The following RHBDF2 variants were observed in gnomAD, a reference collection of about 807,000 sequenced individuals.
The protein encoded by RHBDF2 is rhomboid 5 homolog 2, also known as inactive rhomboid protein 2.
A neutral mutation model predicts 95.2 loss-of-function variants in RHBDF2; 38 were observed. That is an observed-to-expected ratio of 0.40 (90% CI 0.31 to 0.52). RHBDF2 has a LOEUF of 0.52. Among genes scored for constraint, RHBDF2 ranks in the 20% least tolerant of loss-of-function variants. RHBDF2 has a pLI of 0.56. For missense variants in RHBDF2, 863 were observed against 1,137.7 expected, an observed-to-expected ratio of 0.76 and a Z score of 3.47; for synonymous variants, 442 against 462.0, an observed-to-expected ratio of 0.96 and a Z score of 0.55.
chr17:76,501,133 C>G (rs1010051925), intron 1 of RHBDF2: 2 of 152,252 alleles, frequency 1.3e-5, no homozygotes, highest in African/African-American at 4.8e-5. Flanking sequence ...GGCCAGCAGA[C>G]CGGGTCCAGC....
Position 76,479,209 on chromosome 17 carries a change from C to T in RHBDF2, c.341G>A (p.Ser114Asn), listed in dbSNP as rs1471165635. The T allele has an allele frequency of 1.2e-6, 2 of 1,609,486 alleles. No individual in the cohort carries two copies. The highest frequency in any genetic ancestry group is 1.7e-6 in the Non-Finnish European group (2 of 1,179,270). ...EGQRQQWQRR[S>N]LHHCSMRYGR... ...GTAGCGCATGCTGCAGTGGTGCAGG[C>T]TGCGGCGCTGCCACTGCTGCCGCTG... Residue 114 changes from serine to asparagine, a missense_variant, in exon 5 of 19, where the codon AGC becomes AAC. By Grantham distance (46) the Ser-to-Asn change is conservative. Around this residue, in one of 2 missense-constraint regions of RHBDF2, gnomAD observed 611 missense variants for 725.5 expected, o/e 0.84. Coordinates refer to ENST00000675367, the MANE Select transcript of RHBDF2 (RefSeq NM_001005498.4).
rs12601320 is a variant in RHBDF2 at position 76,484,296 on chromosome 17, C to T, written c.-21-2751G>A. Among the ~76,000 whole-genome samples, 192 of 152,072 alleles carry T rather than the reference C, an allele frequency of 1.3e-3. 4 individuals are homozygous for T. The East Asian group carries it at 0.032, about 25-fold the overall frequency. ...AAAATAAAAATAAAAATAAACCCCC[C>T]CAGCTGTTTCCTCTCCTTCACATCC... On this transcript the variant is annotated intron_variant, in intron 2 of 18. Coordinates refer to ENST00000675367, the MANE Select transcript of RHBDF2 (RefSeq NM_001005498.4).
chr17:76,494,907 G>C (rs549656196), intron 1 of RHBDF2, among the ~76,000 whole-genome samples: 2 of 152,202 alleles, frequency 1.3e-5, no homozygotes. Context: ...TGAAGGGAAG[G>C]GGGCACGCAC....
chr17:76,498,801 TGTGTGTGTG>T (rs1261062172), intron 1 of RHBDF2, among the ~76,000 whole-genome samples: 1 of 148,592 alleles, frequency 6.7e-6, no homozygotes, highest in African/African-American at 2.6e-5. Context: ...TGTGTGTGTG[TGTGTGTGTG>T]TGTGTGTGTG....
At position 76,474,776 on chromosome 17, in the gene RHBDF2, C is replaced by T. The variant is rs2073711563; in HGVS notation, c.1256G>A (p.Ser419Asn). 6.2e-7 allele frequency: 1 copy of T among 1,614,068 alleles called. No homozygotes were observed. Among genetic ancestry groups the T allele is most frequent in the African/African-American group, 1.3e-5 (1 of 74,926 alleles). ...GTTCTCCTGCTGGATGTACTTCACG[C>T]TCTCGTACACACCTTTGTTCCGCAG... is the stretch of plus-strand genomic sequence containing the variant. ...LVLRNKGVYESVKYIQQENFW... is the reference protein window; with the variant it reads ...LVLRNKGVYENVKYIQQENFW... The change falls in exon 11 of 19, where the codon AGC (serine) becomes AAC (asparagine). Residue 419 changes from serine (S) to asparagine (N), a missense_variant. Around this residue, in one of 2 missense-constraint regions of RHBDF2, gnomAD observed 611 missense variants for 725.5 expected, o/e 0.84. Coordinates refer to ENST00000675367, the MANE Select transcript of RHBDF2 (RefSeq NM_001005498.4).
intron 10 of RHBDF2, 90 bp downstream of exon 10, chr17:76,474,940 A>T: frequency 6.8e-7 from 1 of 1,472,892 alleles, no homozygotes; most frequent in Non-Finnish European, 9.3e-7. Context: ...CTGGGGCCAG[A>T]TTGTTGCGGT....
At chr17:76,477,436 C>G in intron 7 of RHBDF2, 138 bp from the exon 8 acceptor site, 1 of 1,220,376 alleles carries the variant, frequency 8.2e-7, no homozygotes, top group Non-Finnish European at 1.1e-6. Flanking sequence ...CCCGTCAGCC[C>G]CAATGGTGAC....
intron 1 of RHBDF2, among the ~76,000 whole-genome samples, chr17:76,496,178 A>G (rs1050592339): frequency 1.1e-4 from 17 of 152,316 alleles, no homozygotes; most frequent in Admixed American, 1.1e-3. Context: ...AGATGACAGC[A>G]GATATGAATG....
chr17:76,473,032 AG>A lies in RHBDF2; in HGVS notation c.1882del (p.Leu628SerfsTer22). On this transcript the variant is annotated frameshift_variant, in exon 17 of 19. Coordinates refer to ENST00000675367, the MANE Select transcript of RHBDF2 (RefSeq NM_001005498.4). LOFTEE classifies it high-confidence loss of function. ...AGCATGTAGGAAGAGAGACAGCCAGAGCCTGTAGAACTGATCTGGGACCTCA... is the reference window on the plus strand; with the variant it reads ...AGCATGTAGGAAGAGAGACAGCCAGACCTGTAGAACTGATCTGGGACCTCA... ...NPEVPDQFYR[L>X]WLSLFLHAGV... The A allele has an allele frequency of 6.2e-7, 1 of 1,614,034 alleles. No individual in the cohort carries two copies. The highest frequency in any genetic ancestry group is 8.5e-7 in the Non-Finnish European group (1 of 1,179,894).
intron 1 of RHBDF2, among the ~76,000 whole-genome samples, chr17:76,492,179 T>G (rs958193147): frequency 6.6e-6 from 1 of 152,098 alleles, no homozygotes; most frequent in Non-Finnish European, 1.5e-5. Flanking sequence ...ACAGACTCTA[T>G]TTCCTCCTCC....
chr17:76,488,502 A>AAAAC (rs71161299), intron 1 of RHBDF2, among the ~76,000 whole-genome samples: 75,339 of 151,306 alleles, frequency 0.5, 20,671 homozygotes, highest in Middle Eastern at 0.65. Context: ...TCTGCCTCAA[A>AAAAC]AAACAAACAA....
Position 76,479,132 on chromosome 17 carries a change from C to A in RHBDF2, c.418G>T (p.Ala140Ser), listed in dbSNP as rs1176879045. Residue 140 changes from alanine (A) to serine (S), a missense_variant, in exon 5 of 19, where the codon GCA becomes TCA. Ala to Ser is a moderately conservative substitution (Grantham distance 99). Transcript: ENST00000675367. ...GACTCAGTGCCCTGGAAGGACGGTG[C>A]CTCCTGGCTGGGGAGCTCCAGGTCA... Reference protein sequence around the residue: ...QRDLELPSQEAPSFQGTESPK... With the variant: ...QRDLELPSQESPSFQGTESPK... 23 of 1,613,500 alleles carry A rather than the reference C, an allele frequency of 1.4e-5. No homozygotes were observed. Among genetic ancestry groups the A allele is most frequent in the African/African-American group, 2.7e-5 (2 of 74,942 alleles).
Position 76,473,646 on chromosome 17 carries a change from ACCTGCCCTTGGTGCCG to A in RHBDF2, c.1719_1733+1del. 6.2e-7 allele frequency: 1 copy of A among 1,603,506 alleles called. No homozygotes were observed. The highest frequency in any genetic ancestry group is 8.5e-7 in the Non-Finnish European group (1 of 1,175,738). ...GCTGAGGCCAGGGCCCAGGTCGCTC[ACCTGCCCTTGGTGCCG>A]ATGCAGCAGGGGCGGCCCTTGATCT... On this transcript the variant is annotated splice_donor_variant and coding_sequence_variant, in exon 15 of 19. Coordinates refer to ENST00000675367, the MANE Select transcript of RHBDF2 (RefSeq NM_001005498.4). LOFTEE classifies it high-confidence loss of function.
At position 76,482,197 on chromosome 17, in the gene RHBDF2, G is replaced by C. The variant is rs141148007; in HGVS notation, c.-21-652C>G. On this transcript the variant is annotated intron_variant, in intron 2 of 18. Transcript: ENST00000675367. ...TGAGGCAAGAACCAAACCCTGAAAAGAGCATGAAGATGCAGGCCAGGGACG... is the reference window on the plus strand; with the variant it reads ...TGAGGCAAGAACCAAACCCTGAAAACAGCATGAAGATGCAGGCCAGGGACG... Among the ~76,000 whole-genome samples, 282 of 151,910 alleles carry C rather than the reference G, an allele frequency of 1.9e-3. 2 individuals are homozygous for C. The highest frequency in any genetic ancestry group is 6.7e-3 in the African/African-American group (276 of 41,436).
rs376573611 is a variant in RHBDF2 at position 76,471,816 on chromosome 17, G to A, written c.2301C>T (p.Ser767=). The A allele has an allele frequency of 1.6e-5, 25 of 1,600,848 alleles. No homozygotes were observed. The highest frequency in any genetic ancestry group is 2.7e-5 in the African/African-American group (2 of 74,890). ...AFLPYITFGT[S]DKYRKRALIL... is the part of the protein sequence containing the mutation. The stretch of plus-strand genomic sequence containing the variant: ...TGAGTGCCCGCTTGCGGTACTTGTC[G>A]CTGGTGCCGAAGGTGATGTAGGGCA... The change falls in exon 19 of 19, where the codon AGC becomes AGT. Residue 767 remains serine (S), a synonymous_variant. Transcript: ENST00000675367.
intron 2 of RHBDF2, 95 bp from the exon 3 acceptor site, chr17:76,481,640 A>C: frequency 3.3e-6 from 4 of 1,201,004 alleles, no homozygotes; most frequent in Non-Finnish European, 4.6e-6. Context: ...CCAAGAACCA[A>C]CTTGCCTAAA....
Position 76,476,873 on chromosome 17 carries a change from T to C in RHBDF2, c.1072A>G (p.Ser358Gly). The change falls in exon 9 of 19, where the codon AGC becomes GGC. Residue 358 changes from serine to glycine, a missense_variant. Around this residue, in one of 2 missense-constraint regions of RHBDF2, gnomAD observed 611 missense variants for 725.5 expected, o/e 0.84. Coordinates refer to ENST00000675367, the MANE Select transcript of RHBDF2 (RefSeq NM_001005498.4). ...TCCAGCTGCCGCTGCACAGTGCTGC[T>C]GATGCTGCGGCGGTAGCTGCGGTTC... ...WLNRSYRRSI[S>G]STVQRQLESF... 6.2e-7 allele frequency: 1 copy of C among 1,612,674 alleles called. No homozygotes were observed. The highest frequency in any genetic ancestry group is 8.5e-7 in the Non-Finnish European group (1 of 1,179,672).
At position 76,480,007 on chromosome 17, in the gene RHBDF2, A is replaced by ATGTGTGTGTG. The variant is rs138608987; in HGVS notation, c.151-163_151-154dup. On this transcript the variant is annotated intron_variant, in intron 3 of 18. Transcript: ENST00000675367. ...TTTCATTTGGAAATATATATATATA[A>ATGTGTGTGTG]TGTGTGTGTGTGTGTGTGTGTGTGT... is the stretch of plus-strand genomic sequence containing the variant. 1.5e-3 allele frequency: 451 copies of ATGTGTGTGTG among 307,338 alleles called. 2 individuals carry two copies. The highest frequency in any genetic ancestry group is 5.0e-3 in the South Asian group (117 of 23,594). 19.0% of individuals were successfully genotyped at this position (307,338 alleles called of 1,614,324 possible).
intron 18 of RHBDF2, 23 bp downstream of exon 18, chr17:76,472,663 G>A (rs755294482): frequency 6.2e-7 from 1 of 1,613,712 alleles, no homozygotes; most frequent in Non-Finnish European, 8.5e-7. Flanking sequence ...GTGCGGAAGG[G>A]GTCCCATCCT....
Sources: allele counts gnomAD v4.1 joint callset (sites outside exome capture counted in the v4.1 genomes callset), GRCh38; gene constraint gnomAD v4.1.1; regional missense constraint gnomAD v4.1.1; transcripts MANE v1.5; gene names NCBI Gene and HGNC (gene_info 2026-07-23, HGNC 2026-07-21).